The following SEH1L variants were observed in gnomAD, a reference collection of about 807,000 sequenced individuals.
SEH1L encodes the protein SEH1 like nucleoporin, also known as nucleoporin SEH1.
SEH1L carries 18 observed loss-of-function variants against 49.5 expected under a neutral mutation model. That is an observed-to-expected ratio of 0.36 (90% CI 0.25 to 0.54). The LOEUF is 0.54. Ranked by LOEUF, SEH1L falls within the 20% of genes least tolerant of loss-of-function variation. The probability of loss-of-function intolerance (pLI) is 0.87; values close to 1 mark genes in which losing one functional copy is unlikely to be tolerated. For missense variants in SEH1L, 404 were observed against 528.8 expected (o/e 0.76, Z 2.31); for synonymous variants, 169 against 178.1 (o/e 0.95, Z 0.41).
chr18:12,967,791 G>GGTGTGC (rs1211672570), intron 4 of SEH1L, among the ~76,000 whole-genome samples: 1 of 152,114 alleles, frequency 6.6e-6, no homozygotes, highest in Non-Finnish European at 1.5e-5. Context: ...GTGTGCGCCT[G>GGTGTGC]TACTCCCAGC....
intron 4 of SEH1L, among the ~76,000 whole-genome samples, chr18:12,967,105 A>G (rs1410456100): frequency 6.6e-6 from 1 of 152,262 alleles, no homozygotes; most frequent in Non-Finnish European, 1.5e-5. Context: ...ACAGTCAATT[A>G]TCATTTGCAC....
chr18:12,971,119 T>G (rs779189266), intron 4 of SEH1L, 34 bp from the exon 5 acceptor site: 12 of 1,427,896 alleles, frequency 8.4e-6, no homozygotes, highest in Non-Finnish European at 1.2e-5. Context: ...GTATTTCTTT[T>G]GTTATCTAAA....
intron 3 of SEH1L, among the ~76,000 whole-genome samples, chr18:12,957,292 G>A (rs2030924924): frequency 6.6e-6 from 1 of 151,302 alleles, no homozygotes; most frequent in African/African-American, 2.4e-5. Flanking sequence ...GCTGAGCATG[G>A]TGGCACATGC....
Position 12,982,582 on chromosome 18 carries a change from AATC to A in SEH1L, c.829_831del (p.His277del), listed in dbSNP as rs755615997. ...AATCCATATAGTGGCTCAGTTCGAT[AATC>A]ATAATTCTCAGGTCTGGCGAGTGAG... On this transcript the variant is annotated inframe_deletion, in exon 7 of 9. Transcript: ENST00000399892. 10 of 1,613,908 alleles carry A rather than the reference AATC, an allele frequency of 6.2e-6. No homozygotes were observed. Among genetic ancestry groups the A allele is most frequent in the Non-Finnish European group, 8.5e-6 (10 of 1,179,794 alleles).
At chr18:12,986,398 C>T in intron 8 of SEH1L, 2 of 985,502 alleles carry the variant, frequency 2.0e-6, no homozygotes, top group Non-Finnish European at 2.4e-6. Context: ...AGTAGCCAGC[C>T]ATACTATGTG....
intron 6 of SEH1L, 122 bp from the exon 7 acceptor site, chr18:12,982,396 T>C: frequency 1.6e-6 from 1 of 641,354 alleles, no homozygotes; most frequent in Non-Finnish European, 2.6e-6. Flanking sequence ...TATAAAGTGA[T>C]GTGGTGGCGA....
In SEH1L at chr18:12,949,127, A is replaced by G. The variant is rs926412710; in HGVS notation, c.111+895A>G. ...ACCCGCCTCGGCGCCTCGGCCTCCC[A>G]AAGTGCTGGGATTACAGGCGTGAGC... On this transcript the variant is annotated intron_variant, in intron 1 of 8. Transcript: ENST00000399892. Among the ~76,000 whole-genome samples, 5 of 149,068 alleles carry G rather than the reference A, an allele frequency of 3.4e-5. No individual in the cohort carries two copies. The South Asian group carries it at 1.1e-3, about 34-fold the overall frequency.
At chr18:12,951,668 G>C (rs1348083974) in intron 1 of SEH1L, among the ~76,000 whole-genome samples, 187 bp from the exon 2 acceptor site, 1 of 152,254 alleles carries the variant, frequency 6.6e-6, no homozygotes, top group Non-Finnish European at 1.5e-5. Context: ...TGGGATTACA[G>C]GCATGAGCCA....
chr18:12,986,758 C>A, intron 8 of SEH1L, 104 bp from the exon 9 acceptor site: 1 of 1,198,230 alleles, frequency 8.3e-7, no homozygotes, highest in Non-Finnish European at 1.0e-6. Flanking sequence ...TGTGTTTTCT[C>A]CTCTTTGGTT....
At chr18:12,951,329 C>G (rs1379027148) in intron 1 of SEH1L, among the ~76,000 whole-genome samples, 1 of 152,146 alleles carries the variant, frequency 6.6e-6, no homozygotes, top group Non-Finnish European at 1.5e-5. Flanking sequence ...TCTCTGTTAC[C>G]TAATAGAGCT....
chr18:12,979,514 C>G (rs936681238), intron 6 of SEH1L, among the ~76,000 whole-genome samples: 18 of 152,154 alleles, frequency 1.2e-4, no homozygotes, highest in Non-Finnish European at 2.5e-4. Context: ...ATCTTTTCCC[C>G]ACCTTTCCCC....
At chr18:12,966,176 T>G (rs550430031) in intron 4 of SEH1L, among the ~76,000 whole-genome samples, 1 of 148,564 alleles carries the variant, frequency 6.7e-6, no homozygotes, top group African/African-American at 2.5e-5. Flanking sequence ...CACTGCAAGC[T>G]CCGCCTCCTG....
intron 4 of SEH1L, among the ~76,000 whole-genome samples, chr18:12,964,008 C>T (rs865848108): frequency 3.9e-5 from 6 of 152,356 alleles, no homozygotes; most frequent in Middle Eastern, 3.4e-3. Context: ...CTGCTGCACC[C>T]AGCCAGAAAC....
chr18:12,977,432 A>C (rs1390948478), intron 5 of SEH1L: 2 of 152,348 alleles, frequency 1.3e-5, no homozygotes, highest in South Asian at 2.1e-4. Flanking sequence ...ATTATCACTT[A>C]ACTCAATTCC....
intron 1 of SEH1L, among the ~76,000 whole-genome samples, chr18:12,950,811 G>C (rs2145601448): frequency 6.6e-6 from 1 of 152,102 alleles, no homozygotes; most frequent in East Asian, 1.9e-4. Flanking sequence ...ATTTTTTCTG[G>C]GTAATAAGGT....
Position 12,963,389 on chromosome 18 carries a change from A to G in SEH1L, c.521+18A>G. The G allele has an allele frequency of 6.4e-7, 1 of 1,562,150 alleles. No individual in the cohort carries two copies. The highest frequency in any genetic ancestry group is 8.8e-7 in the Non-Finnish European group (1 of 1,133,592). On this transcript the variant is annotated intron_variant, in intron 4 of 8. Coordinates refer to ENST00000399892, the MANE Select transcript of SEH1L (RefSeq NM_001013437.2). ...CCTTCAAGGTAAGTTTACATATTAA[A>G]CCTCTGATAACATCCTAGTAAAATA...
chr18:12,984,261 GA>G (rs1568233084), intron 8 of SEH1L, 71 bp downstream of exon 8: 1 of 1,462,844 alleles, frequency 6.8e-7, no homozygotes, highest in Admixed American at 1.7e-5. Flanking sequence ...ACTTAAGGTG[GA>G]TTATTTCATG....
At chr18:12,956,093 G>A (rs1426377215) in intron 3 of SEH1L, among the ~76,000 whole-genome samples, 12 of 150,262 alleles carry the variant, frequency 8.0e-5, no homozygotes, top group Admixed American at 6.6e-4. Flanking sequence ...CACCCAGGCT[G>A]GAGTGCAGTG....
At chr18:12,978,456 C>T in intron 5 of SEH1L, 1 of 226,636 alleles carries the variant, frequency 4.4e-6, no homozygotes, top group Non-Finnish European at 8.6e-6. Context: ...TGCGTTTCTT[C>T]TCTTCTTTTT....
Sources: allele counts gnomAD v4.1 joint callset (sites outside exome capture counted in the v4.1 genomes callset), GRCh38; gene constraint gnomAD v4.1.1; transcripts MANE v1.5; gene names NCBI Gene and HGNC (gene_info 2026-07-23, HGNC 2026-07-21).